Variants in FHDC1 observed in about 807,000 individuals in gnomAD.
FHDC1 encodes FH2 domain containing 1.
In FHDC1, 25 loss-of-function variants were observed where a neutral mutation model predicts 52.6. That is an observed-to-expected ratio of 0.48 (90% CI 0.35 to 0.66). The LOEUF (loss-of-function observed/expected upper bound fraction) is 0.66, where lower values mean the gene tolerates loss of function less well. FHDC1 is among the 30% of genes least tolerant of loss of function. The pLI is 0.01. For synonymous variants in FHDC1, 616 were observed against 581.5 expected (o/e 1.06, Z -0.85); for missense variants, 1,459 against 1,452.8 (o/e 1.00, Z -0.07).
the FHDC1 span, chr4:152,912,399 C>G: frequency 1.1e-4 from 16 of 152,140 alleles, no homozygotes; most frequent in Non-Finnish European, 5.9e-5. Flanking sequence ...TTTTAATATA[C>G]AAGCTCTATT....
intron 10 of FHDC1, 65 bp downstream of exon 10, chr4:152,968,162 A>C (rs962862447): frequency 8.8e-7 from 1 of 1,135,196 alleles, no homozygotes; most frequent in Middle Eastern, 2.0e-4. Flanking sequence ...GGGCTGGTTA[A>C]ATTTGCATGG....
the FHDC1 span, chr4:152,927,552 G>A: frequency 2.7e-4 from 410 of 1,534,582 alleles, no homozygotes; most frequent in African/African-American, 4.5e-3. Flanking sequence ...GAGAAAGTTC[G>A]AAAACCTGAA....
Position 152,975,066 on chromosome 4 carries a change from G to A in FHDC1, c.1775G>A (p.Arg592Lys). Residue 592 changes from arginine to lysine, a missense_variant, in exon 12 of 12, where the codon AGG (arginine) becomes AAG (lysine). This residue lies in a region of FHDC1 where 939 missense variants were observed against 854.5 expected (regional missense o/e 1.10). Coordinates refer to ENST00000511601, the MANE Select transcript of FHDC1 (RefSeq NM_001371116.1). ...TIACLEPAEVRHQDSSFAHKP... is the reference protein window; with the variant it reads ...TIACLEPAEVKHQDSSFAHKP... Reference sequence around the variant, plus strand: ...GCCTGCCTGGAGCCTGCAGAAGTGAGGCACCAGGACTCCAGCTTTGCACAC... The same window carrying A: ...GCCTGCCTGGAGCCTGCAGAAGTGAAGCACCAGGACTCCAGCTTTGCACAC... 6.2e-7 allele frequency: 1 copy of A among 1,612,384 alleles called. No individual in the cohort carries two copies. Among genetic ancestry groups the A allele is most frequent in the Non-Finnish European group, 8.5e-7 (1 of 1,179,662 alleles).
upstream of FHDC1, among the ~76,000 whole-genome samples, chr4:152,933,879 C>T (rs1739298241): frequency 6.6e-6 from 1 of 152,012 alleles, no homozygotes; most frequent in South Asian, 2.1e-4. Flanking sequence ...CTGCCTTCTT[C>T]CTGTAGGAGC....
Position 152,976,178 on chromosome 4 carries a change from G to A in FHDC1, c.2887G>A (p.Gly963Ser), listed in dbSNP as rs1740873305. The A allele has an allele frequency of 6.2e-7, 1 of 1,612,296 alleles. No homozygotes were observed. The highest frequency in any genetic ancestry group is 1.1e-5 in the South Asian group (1 of 91,070). Residue 963 changes from glycine to serine, a missense_variant, in exon 12 of 12, where the codon GGC becomes AGC. By Grantham distance (56) the Gly-to-Ser change is moderately conservative. Coordinates refer to ENST00000511601, the MANE Select transcript of FHDC1 (RefSeq NM_001371116.1). ...GCAGAGGCTGCCGCGGGGGAGCAGCGGCTCCAGCAGCACCCGTCCGGGGAG... is the reference window on the plus strand; with the variant it reads ...GCAGAGGCTGCCGCGGGGGAGCAGCAGCTCCAGCAGCACCCGTCCGGGGAG... ...EEQRLPRGSS[G>S]SSSTRPGRDV...
chr4:152,913,401 C>G, the FHDC1 span, among the ~76,000 whole-genome samples: 1 of 152,176 alleles, frequency 6.6e-6, no homozygotes, highest in East Asian at 1.9e-4. Context: ...TAAATTTCTT[C>G]TAATCATGGA....
At chr4:152,932,595 C>G (rs1033941401), upstream of FHDC1, among the ~76,000 whole-genome samples, 1 of 152,120 alleles carries the variant, frequency 6.6e-6, no homozygotes, top group Non-Finnish European at 1.5e-5. Flanking sequence ...GAGTTTGTTT[C>G]TTTCTGCAGT....
intron 2 of FHDC1, among the ~76,000 whole-genome samples, chr4:152,949,930 G>A (rs1029171073): frequency 6.6e-6 from 1 of 152,218 alleles, no homozygotes; most frequent in African/African-American, 2.4e-5. Flanking sequence ...TCTGCAGTAT[G>A]CTGACTGTAC....
chr4:152,936,596 G>A (rs562953430), intron 1 of FHDC1, among the ~76,000 whole-genome samples, 187 bp downstream of exon 1: 180 of 152,352 alleles, frequency 1.2e-3, no homozygotes, highest in Non-Finnish European at 2.1e-3. Flanking sequence ...AGCTGGAGAG[G>A]AGGTTCCAGT....
the FHDC1 span, chr4:152,912,163 A>G: frequency 6.6e-6 from 1 of 152,208 alleles, no homozygotes; most frequent in African/African-American, 2.4e-5. Flanking sequence ...TTCAGAATAA[A>G]TTTAAAATAT....
the FHDC1 span, among the ~76,000 whole-genome samples, chr4:152,925,849 GAAGA>G: frequency 1.4e-4 from 20 of 144,192 alleles, no homozygotes; most frequent in African/African-American, 2.5e-4. Context: ...AGAAGAAGGA[GAAGA>G]AGGAGAGGAG....
At chr4:152,961,253 G>T (rs1740272340) in intron 6 of FHDC1, among the ~76,000 whole-genome samples, 3 of 151,730 alleles carry the variant, frequency 2.0e-5, no homozygotes, top group African/African-American at 7.3e-5. Flanking sequence ...CCTCTTGGTG[G>T]CTGGGACCCA....
In FHDC1 at chr4:152,977,574, CT is replaced by C; in HGVS notation, c.*852del. 6.6e-6 allele frequency: 1 copy of C among 152,312 alleles called. No homozygotes were observed. The highest frequency in any genetic ancestry group is 2.4e-5 in the African/African-American group (1 of 41,544). The allele number at this position is 152,312 out of a possible 1,614,324, so 9.4% of individuals were successfully genotyped here. On this transcript the variant is annotated 3_prime_UTR_variant, in exon 12 of 12. Coordinates refer to ENST00000511601, the MANE Select transcript of FHDC1 (RefSeq NM_001371116.1). The stretch of plus-strand genomic sequence containing the variant: ...CCTCCCACCTCAGCCTCCCTCAGAG[CT>C]GGGACTACAGGCGTGCACCACCACG...
chr4:152,953,524 G>T lies in FHDC1; in HGVS notation c.524G>T (p.Ser175Ile). The change falls in exon 3 of 12, where the codon AGC becomes ATC. Residue 175 changes from serine (S) to isoleucine (I), a missense_variant. This residue lies in a region of FHDC1 where 513 missense variants were observed against 581.5 expected (regional missense o/e 0.88). Transcript: ENST00000511601. ...ATTACTATTTTGGATGCAAAACGGA[G>T]CATGAACATTGGGATATTTCTTAAG... ...EEITILDAKR[S>I]MNIGIFLKQF... 1 of 1,612,404 alleles carries T rather than the reference G, an allele frequency of 6.2e-7. No individual in the cohort carries two copies. Among genetic ancestry groups the T allele is most frequent in the African/African-American group, 1.3e-5 (1 of 74,994 alleles).
At chr4:152,932,401 C>CAAAAAA (rs58456339), upstream of FHDC1, among the ~76,000 whole-genome samples, 1 of 145,240 alleles carries the variant, frequency 6.9e-6, no homozygotes. Flanking sequence ...GACTCTATCT[C>CAAAAAA]AAAAAAAAAA....
chr4:152,976,107 G>A lies in FHDC1; in HGVS notation c.2816G>A (p.Trp939Ter). The A allele has an allele frequency of 6.2e-7, 1 of 1,610,644 alleles. No individual in the cohort carries two copies. The highest frequency in any genetic ancestry group is 2.2e-5 in the East Asian group (1 of 44,822). Residue 939 changes from tryptophan to a stop codon, truncating the protein, a stop_gained, in exon 12 of 12, where the codon TGG (tryptophan) becomes TAG (stop). Transcript: ENST00000511601. LOFTEE classifies it low-confidence loss of function (END_TRUNC). ...QNPPSSTDTV[W>*]SRQNSVRRAS... Reference sequence around the variant, plus strand: ...CCCCCCAGCAGCACAGATACTGTGTGGTCACGCCAGAACTCCGTGCGGAGG... The same window carrying A: ...CCCCCCAGCAGCACAGATACTGTGTAGTCACGCCAGAACTCCGTGCGGAGG...
rs549988989 is a variant in FHDC1 at position 152,972,957 on chromosome 4, C to T, written c.1383+416C>T. ...CTTCTGTTGTGGTGGGATGATGGAA[C>T]GGCCCTCCCTTTCCCTTCTTCCAAG... On this transcript the variant is annotated intron_variant, in intron 11 of 11. Transcript: ENST00000511601. 4.2e-4 allele frequency among the ~76,000 whole-genome samples: 64 copies of T among 152,322 alleles called. 1 individual carries two copies. In the South Asian group the frequency reaches 8.9e-3, roughly 21 times the overall value.
At chr4:152,955,627 G>C (rs1740059945) in intron 4 of FHDC1, among the ~76,000 whole-genome samples, 1 of 152,130 alleles carries the variant, frequency 6.6e-6, no homozygotes, top group African/African-American at 2.4e-5. Context: ...TGGGATTACA[G>C]GTGCATGCCA....
chr4:152,927,637 G>A, the FHDC1 span: 1 of 1,604,020 alleles, frequency 6.2e-7, no homozygotes, highest in South Asian at 1.1e-5. Flanking sequence ...AGAAGGACAG[G>A]AAGCAGCAGG....
Sources: gnomAD v4.1 joint callset for allele counts (sites outside exome capture counted in the v4.1 genomes callset) on GRCh38, gnomAD v4.1.1 for gene constraint, gnomAD v4.1.1 regional missense constraint, MANE v1.5 for transcripts, NCBI Gene and HGNC (gene_info 2026-07-23, HGNC 2026-07-21) for gene names.